The following FRZB variants were observed in gnomAD, a reference collection of about 807,000 sequenced individuals.
The protein encoded by FRZB is secreted frizzled-related protein 3.
In FRZB, 34 loss-of-function variants were observed where a neutral mutation model predicts 32.5. That is an observed-to-expected ratio of 1.05 (90% CI 0.80 to 1.39). The LOEUF is 1.39. FRZB is among the 40% of genes most tolerant of loss of function. The pLI, the probability that FRZB is intolerant of heterozygous loss-of-function variation, is 0.00. For synonymous variants in FRZB, 170 were observed against 159.2 expected, an observed-to-expected ratio of 1.07 and a Z score of -0.51; for missense variants, 423 against 424.8, an observed-to-expected ratio of 1.00 and a Z score of 0.04.
chr2:182,840,381 C>T (rs1461257953), intron 3 of FRZB, among the ~76,000 whole-genome samples: 1 of 151,890 alleles, frequency 6.6e-6, no homozygotes, highest in Non-Finnish European at 1.5e-5. Context: ...ATTTATTTAC[C>T]CAGTGTCTAC....
chr2:182,861,483 G>A (rs1409645025), intron 1 of FRZB, among the ~76,000 whole-genome samples: 2 of 152,200 alleles, frequency 1.3e-5, no homozygotes, highest in Non-Finnish European at 2.9e-5. Flanking sequence ...CAATGACGTT[G>A]TTGTTAAACA....
chr2:182,850,435 A>C (rs1467283227), intron 2 of FRZB, among the ~76,000 whole-genome samples: 4 of 152,086 alleles, frequency 2.6e-5, no homozygotes, highest in Non-Finnish European at 4.4e-5. Context: ...CATGAGATTC[A>C]CTTTTTTCTG....
At chr2:182,841,622 C>T (rs1488805053) in intron 3 of FRZB, among the ~76,000 whole-genome samples, 2 of 151,864 alleles carry the variant, frequency 1.3e-5, no homozygotes. Flanking sequence ...AATATCAGTC[C>T]CTTATGTGTC....
chr2:182,847,254 G>A (rs1695654918), intron 2 of FRZB, among the ~76,000 whole-genome samples: 1 of 152,146 alleles, frequency 6.6e-6, no homozygotes, highest in Non-Finnish European at 1.5e-5. Flanking sequence ...AATATACTGT[G>A]AGAAAATGAT....
intron 5 of FRZB, 98 bp downstream of exon 5, chr2:182,837,850 T>C (rs1695544413): frequency 2.4e-6 from 2 of 849,616 alleles, no homozygotes; most frequent in Admixed American, 2.2e-5. Flanking sequence ...ATTTCTCATA[T>C]GGTTGAAGGC....
chr2:182,834,916 C>T lies in FRZB; in HGVS notation c.911G>A (p.Ser304Asn), dbSNP rs200444784. ...RHLGLSKSDSSNSDSTQSQKS... is the reference protein window; with the variant it reads ...RHLGLSKSDSNNSDSTQSQKS... ...CTGACTCTGAGTGGAATCACTATTG[C>T]TAGAATCACTTTTACTGAGTCCAAG... The change falls in exon 6 of 6, where the codon AGC (serine) becomes AAC (asparagine). Residue 304 changes from serine to asparagine, a missense_variant. Coordinates refer to ENST00000295113, the MANE Select transcript of FRZB (RefSeq NM_001463.4). The T allele has an allele frequency of 1.9e-6, 3 of 1,613,416 alleles. No individual in the cohort carries two copies. Among genetic ancestry groups the T allele is most frequent in the Admixed American group, 3.3e-5 (2 of 59,914 alleles).
rs766528949 is a variant in FRZB, at chr2:182,866,207, G to A, written c.346C>T (p.Arg116Trp). The change falls in exon 1 of 6, where the codon CGG (arginine) becomes TGG (tryptophan). Residue 116 changes from arginine (R) to tryptophan (W), a missense_variant. Arg to Trp is a moderately radical substitution (Grantham distance 101). Coordinates refer to ENST00000295113, the MANE Select transcript of FRZB (RefSeq NM_001463.4). This position sits in a 1 kb window ranked among gnomAD's most constrained non-coding sequence, Gnocchi z 4.5. ...ATGAGTATGGGCTCACAGCCCTGCC[G>A]GGCCCGCTCGCACACAGACTTACAG... ...KPCKSVCERA[R>W]QGCEPILIKY... is the part of the protein sequence containing the mutation. 4.3e-6 allele frequency: 7 copies of A among 1,613,994 alleles called. No individual in the cohort carries two copies. Among genetic ancestry groups the A allele is most frequent in the Admixed American group, 3.3e-5 (2 of 59,994 alleles).
intron 2 of FRZB, among the ~76,000 whole-genome samples, chr2:182,844,864 T>C (rs1436726257): frequency 2.6e-5 from 4 of 152,218 alleles, no homozygotes; most frequent in Non-Finnish European, 5.9e-5. Context: ...ATTTTGCTCA[T>C]CTGCAATATA....
At chr2:182,861,321 AG>A (rs1229818274) in intron 1 of FRZB, among the ~76,000 whole-genome samples, 2 of 152,190 alleles carry the variant, frequency 1.3e-5, no homozygotes, top group African/African-American at 4.8e-5. Flanking sequence ...ACAGTAACTT[AG>A]CTTCTCTATA....
At chr2:182,846,098 G>T (rs943168649) in intron 2 of FRZB, among the ~76,000 whole-genome samples, 2 of 152,070 alleles carry the variant, frequency 1.3e-5, no homozygotes, top group African/African-American at 2.4e-5. Context: ...ATTCAGTTTT[G>T]CTCATACAAA....
intron 3 of FRZB, among the ~76,000 whole-genome samples, chr2:182,840,182 T>C (rs1389253649): frequency 6.6e-6 from 1 of 152,150 alleles, no homozygotes; most frequent in Non-Finnish European, 1.5e-5. Flanking sequence ...TCTATTCATG[T>C]TCTCCCTATT....
chr2:182,839,183 A>G (rs938050267), intron 3 of FRZB, among the ~76,000 whole-genome samples: 3 of 151,808 alleles, frequency 2.0e-5, no homozygotes, highest in African/African-American at 7.3e-5. Flanking sequence ...CACCTTCCTC[A>G]TCTTGGCTCA....
intron 2 of FRZB, among the ~76,000 whole-genome samples, chr2:182,854,228 C>T (rs1695741511): frequency 6.6e-6 from 1 of 152,080 alleles, no homozygotes; most frequent in Non-Finnish European, 1.5e-5. Flanking sequence ...TGTGAAAATG[C>T]ACATTTATGA....
intron 5 of FRZB, among the ~76,000 whole-genome samples, chr2:182,837,637 G>C (rs1407513650): frequency 6.6e-6 from 1 of 151,934 alleles, no homozygotes; most frequent in Non-Finnish European, 1.5e-5. Flanking sequence ...AAAAATGGTA[G>C]AGTGATAAGC....
In FRZB at chr2:182,840,049, A is replaced by C. The variant is rs77125024; in HGVS notation, c.593-1436T>G. 9.7e-4 allele frequency among the ~76,000 whole-genome samples: 147 copies of C among 152,262 alleles called. 2 individuals carry two copies. Among genetic ancestry groups the C allele is most frequent in the African/African-American group, 3.3e-3 (136 of 41,572 alleles). ...CATGACAGAAATTAGTTACTAAGGAATTCTAAAAGCTTCACATTTCAGTCT... is the reference window on the plus strand; with the variant it reads ...CATGACAGAAATTAGTTACTAAGGACTTCTAAAAGCTTCACATTTCAGTCT... On this transcript the variant is annotated intron_variant, in intron 3 of 5. Transcript: ENST00000295113.
chr2:182,848,940 C>A (rs1466438032), intron 2 of FRZB, among the ~76,000 whole-genome samples: 1 of 152,092 alleles, frequency 6.6e-6, no homozygotes, highest in Admixed American at 6.6e-5. Flanking sequence ...AAGAAATGTT[C>A]TTTAGGCCGG....
chr2:182,846,662 C>T (rs1695643949), intron 2 of FRZB, among the ~76,000 whole-genome samples: 1 of 152,110 alleles, frequency 6.6e-6, no homozygotes, highest in African/African-American at 2.4e-5. Flanking sequence ...TCCTCTTTTC[C>T]TCCATTTTAA....
intron 2 of FRZB, among the ~76,000 whole-genome samples, chr2:182,847,021 T>C (rs12624120): frequency 0.014 from 2,206 of 152,276 alleles, 64 homozygotes; most frequent in South Asian, 0.11. Context: ...TATGAATTCA[T>C]TCATTCTGCA....
In FRZB at chr2:182,860,959, G is replaced by C. The variant is rs148594875; in HGVS notation, c.479-2126C>G. On this transcript the variant is annotated intron_variant, in intron 1 of 5. Coordinates refer to ENST00000295113, the MANE Select transcript of FRZB (RefSeq NM_001463.4). ...TATAGAAAATACTAGAAAGAAACAA[G>C]TGCATGACTATGGGGAAATGATGAG... Among the ~76,000 whole-genome samples the C allele has an allele frequency of 1.8e-3, 277 of 151,710 alleles. 10 individuals are homozygous for C. In the East Asian group the frequency reaches 0.032, roughly 18 times the overall value.
Sources: allele counts gnomAD v4.1 joint callset (sites outside exome capture counted in the v4.1 genomes callset), GRCh38; gene constraint gnomAD v4.1.1; non-coding constraint Gnocchi (gnomAD v3.1); transcripts MANE v1.5; gene names NCBI Gene and HGNC (gene_info 2026-07-23, HGNC 2026-07-21).